The following PKD1 variants were observed in gnomAD, a reference collection of about 807,000 sequenced individuals.
The protein encoded by PKD1 is polycystin 1, transient receptor potential channel interacting.
In PKD1, 81 loss-of-function variants were observed where a neutral mutation model predicts 361.7. That is an observed-to-expected ratio of 0.22 (90% CI 0.19 to 0.27). The LOEUF (loss-of-function observed/expected upper bound fraction) is 0.27. PKD1 is among the 10% of genes least tolerant of loss of function. PKD1 has a pLI of 1.00. For missense variants in PKD1, 6,399 were observed against 6,118.3 expected, an observed-to-expected ratio of 1.05 and a Z score of -1.53; for synonymous variants, 3,615 against 2,818.3, an observed-to-expected ratio of 1.28 and a Z score of -8.95.
At chr16:2,095,405 T>C (rs1383868113) in intron 34 of PKD1, 1 of 151,992 alleles carries the variant, frequency 6.6e-6, no homozygotes, top group Non-Finnish European at 1.5e-5. Flanking sequence ...AGAGACTCCA[T>C]CTCAAAAAAA....
At position 2,109,300 on chromosome 16, in the gene PKD1, A is replaced by C; in HGVS notation, c.5867T>G (p.Val1956Gly). The change falls in exon 15 of 46, where the codon GTG (valine) becomes GGG (glycine). Residue 1956 changes from valine (V) to glycine (G), a missense_variant. Physicochemically the swap from Val to Gly is moderately radical, Grantham distance 109 (BLOSUM62 -3). Transcript: ENST00000262304. ...GCGCACCTGCGCCTGGGCCCAGCTC[A>C]CGTGGTTTTTGCCCCGCACGCTCAC... ...HVVSVRGKNH[V>G]SWAQAQVRIV... The C allele has an allele frequency of 6.3e-7, 1 of 1,585,142 alleles. No homozygotes were observed. The highest frequency in any genetic ancestry group is 8.6e-7 in the Non-Finnish European group (1 of 1,168,204).
chr16:2,111,471 G>T lies in PKD1; in HGVS notation c.3696C>A (p.Ser1232Arg). ...TGTTGTCGCCCGTCTGCACCGCGGC[G>T]CTGACCACCACGGGGGCGCCCTGCT... is the stretch of plus-strand genomic sequence containing the variant. ...AVEQGAPVVV[S>R]AAVQTGDNIT... The change falls in exon 15 of 46, where the codon AGC becomes AGA. Residue 1232 changes from serine (S) to arginine (R), a missense_variant. Ser to Arg is a moderately radical substitution (Grantham distance 110, BLOSUM62 -1). Transcript: ENST00000262304. The T allele has an allele frequency of 6.2e-7, 1 of 1,611,570 alleles. No individual in the cohort carries two copies. Among genetic ancestry groups the T allele is most frequent in the Non-Finnish European group, 8.5e-7 (1 of 1,179,454 alleles).
In PKD1 at chr16:2,102,898, T is replaced by G; in HGVS notation, c.8864A>C (p.His2955Pro). The G allele has an allele frequency of 6.2e-7, 1 of 1,610,060 alleles. No individual in the cohort carries two copies. Among genetic ancestry groups the G allele is most frequent in the Non-Finnish European group, 8.5e-7 (1 of 1,179,750 alleles). ...YLHSEPRPNE[H>P]NCSASRRIRP... ...GATCCTCCTGCTAGCCGAGCAGTTG[T>G]GCTCATTGGGCCGGGGCTCCGAGTG... Residue 2955 changes from histidine (H) to proline (P), a missense_variant, in exon 24 of 46, where the codon CAC becomes CCC. Transcript: ENST00000262304.
chr16:2,100,163 T>C lies in PKD1; in HGVS notation c.9712+3A>G, dbSNP rs1350375404. 1 of 1,606,400 alleles carries C rather than the reference T, an allele frequency of 6.2e-7. No individual in the cohort carries two copies. Among genetic ancestry groups the C allele is most frequent in the Non-Finnish European group, 8.5e-7 (1 of 1,176,098 alleles). On this transcript the variant is annotated splice_donor_region_variant and intron_variant, in intron 28 of 45. Coordinates refer to ENST00000262304, the MANE Select transcript of PKD1 (RefSeq NM_001009944.3). The surrounding 1 kb of genome is among the most constrained non-coding windows in gnomAD (Gnocchi z 4.4). The stretch of plus-strand genomic sequence containing the variant: ...GGAGTGGGAACATGGAACGAGGCCT[T>C]ACTCGCGGCCAGCACCTCCTTCTCC...
chr16:2,116,698 C>T (rs1001623733), intron 7 of PKD1, 54 bp from the exon 8 acceptor site: 55 of 1,226,770 alleles, frequency 4.5e-5, no homozygotes, highest in African/African-American at 2.4e-4. Context: ...GACACCAGGA[C>T]GAACAGACTG....
At position 2,088,750 on chromosome 16, in the gene PKD1, C is replaced by CG. The variant is rs202247051; in HGVS notation, c.*976dup. 8 of 1,219,090 alleles carry CG rather than the reference C, an allele frequency of 6.6e-6. No individual in the cohort carries two copies. The Admixed American group carries it at 1.4e-4, about 21-fold the overall frequency. 75.5% of individuals were successfully genotyped at this position (1,219,090 alleles called of 1,614,324 possible). On this transcript the variant is annotated 3_prime_UTR_variant, in exon 46 of 46. Transcript: ENST00000262304. ...TTTTATTGACTTTGTCTGCTTGGTG[C>CG]GGGGGTTGGGGGGGTGTCGAGGCTC... is the stretch of plus-strand genomic sequence containing the variant.
chr16:2,101,363 C>T (rs1242359265), intron 26 of PKD1, among the ~76,000 whole-genome samples: 1 of 152,092 alleles, frequency 6.6e-6, no homozygotes, highest in Non-Finnish European at 1.5e-5. Flanking sequence ...AAAATGGGAA[C>T]ACAGCCAGGT....
At chr16:2,107,279 G>A (rs954541163) in intron 16 of PKD1, 19 of 413,522 alleles carry the variant, frequency 4.6e-5, no homozygotes, top group Admixed American at 1.1e-4. Context: ...GACCGCAGCT[G>A]CCACGTAGGC....
In PKD1 at chr16:2,114,259, G is replaced by C. The variant is rs1290050535; in HGVS notation, c.2764C>G (p.Leu922Val). 6.2e-7 allele frequency: 1 copy of C among 1,610,362 alleles called. No homozygotes were observed. Among genetic ancestry groups the C allele is most frequent in the South Asian group, 1.1e-5 (1 of 90,984 alleles). ...VVENSASRAN[L>V]SLRVTAEEPI... Reference sequence around the variant, plus strand: ...TCCTCCGCCGTCACCCGCAGGCTGAGGTTGGCCCGGCTGGCGCTGTTTTCC... The same window carrying C: ...TCCTCCGCCGTCACCCGCAGGCTGACGTTGGCCCGGCTGGCGCTGTTTTCC... The change falls in exon 11 of 46, where the codon CTC (leucine) becomes GTC (valine). Residue 922 changes from leucine (L) to valine (V), a missense_variant. Physicochemically the swap from Leu to Val is conservative, Grantham distance 32 (BLOSUM62 1). Coordinates refer to ENST00000262304, the MANE Select transcript of PKD1 (RefSeq NM_001009944.3).
In PKD1 at chr16:2,108,559, C is replaced by T. The variant is rs765511448; in HGVS notation, c.6608G>A (p.Arg2203His). 21 of 1,586,896 alleles carry T rather than the reference C, an allele frequency of 1.3e-5. No individual in the cohort carries two copies. Among genetic ancestry groups the T allele is most frequent in the East Asian group, 9.1e-5 (4 of 43,828 alleles). Residue 2203 changes from arginine to histidine, a missense_variant, in exon 15 of 46, where the codon CGT becomes CAT. Arg to His is a conservative substitution (Grantham distance 29, BLOSUM62 0). Coordinates refer to ENST00000262304, the MANE Select transcript of PKD1 (RefSeq NM_001009944.3). ...ASCQRPGRPARVALPGVDVSR... is the reference protein window; with the variant it reads ...ASCQRPGRPAHVALPGVDVSR... ...CACGTCCACGCCGGGCAGGGCCACA[C>T]GCGCTGGGCGCCCCGGCCGCTGGCA...
intron 1 of PKD1, among the ~76,000 whole-genome samples, chr16:2,126,822 G>A (rs1384523547): frequency 1.3e-5 from 2 of 152,266 alleles, no homozygotes; most frequent in Admixed American, 6.5e-5. Flanking sequence ...CCACGAGCAG[G>A]GGGAGAGGCA....
intron 7 of PKD1, 30 bp from the exon 8 acceptor site, chr16:2,116,674 G>A (rs768577519): frequency 3.2e-5 from 42 of 1,327,952 alleles, no homozygotes; most frequent in South Asian, 1.3e-4. Flanking sequence ...GTGAGGCGCC[G>A]GGCCAGGGCC....
chr16:2,124,002 T>C (rs994134975), intron 1 of PKD1, among the ~76,000 whole-genome samples: 28 of 152,182 alleles, frequency 1.8e-4, no homozygotes, highest in Admixed American at 1.6e-3. Flanking sequence ...GTTAGGACCA[T>C]CCTAGCGTGG....
At position 2,109,644 on chromosome 16, in the gene PKD1, C is replaced by A. The variant is rs766252073; in HGVS notation, c.5523G>T (p.Val1841=). The A allele has an allele frequency of 3.2e-5, 51 of 1,594,598 alleles. No individual in the cohort carries two copies. Among genetic ancestry groups the A allele is most frequent in the Non-Finnish European group, 4.4e-5 (51 of 1,171,440 alleles). Reference sequence around the variant, plus strand: ...GGCCACGCTTGCTGCTGCCGCCGGGCACAGCCCAGCACCAGCTCACATTGG... The same window carrying A: ...GGCCACGCTTGCTGCTGCCGCCGGGAACAGCCCAGCACCAGCTCACATTGG... ...TGTNVSWCWA[V]PGGSSKRGPH... Residue 1841 remains valine (V), a synonymous_variant, in exon 15 of 46, where the codon GTG becomes GTT. Coordinates refer to ENST00000262304, the MANE Select transcript of PKD1 (RefSeq NM_001009944.3).
At position 2,088,744 on chromosome 16, in the gene PKD1, T is replaced by A. The variant is rs979264685; in HGVS notation, c.*983A>T. The A allele has an allele frequency of 3.0e-5, 39 of 1,281,012 alleles. No individual in the cohort carries two copies. Among genetic ancestry groups the A allele is most frequent in the Non-Finnish European group, 3.9e-5 (36 of 934,966 alleles). 79.4% of individuals were successfully genotyped at this position (1,281,012 alleles called of 1,614,324 possible). On this transcript the variant is annotated 3_prime_UTR_variant, in exon 46 of 46. Coordinates refer to ENST00000262304, the MANE Select transcript of PKD1 (RefSeq NM_001009944.3). ...CAGCTCTTTTATTGACTTTGTCTGCTTGGTGCGGGGGTTGGGGGGGTGTCG... is the reference window on the plus strand; with the variant it reads ...CAGCTCTTTTATTGACTTTGTCTGCATGGTGCGGGGGTTGGGGGGGTGTCG...
In PKD1 at chr16:2,119,309, C is replaced by A. The variant is rs1305213807; in HGVS notation, c.285G>T (p.Glu95Asp). Residue 95 changes from glutamate to aspartate, a missense_variant and splice_region_variant, in exon 2 of 46, where the codon GAG becomes GAT. By Grantham distance (45) the Glu-to-Asp change is conservative. Coordinates refer to ENST00000262304, the MANE Select transcript of PKD1 (RefSeq NM_001009944.3). Reference protein sequence around the residue: ...GLLANLSALAELDISNNKIST... With the variant: ...GLLANLSALADLDISNNKIST... ...TGGCACGACTGGGGGACACTCACAG[C>A]TCTGCCAGCGCCGAGAGGTTCGCCA... 2 of 1,230,704 alleles carry A rather than the reference C, an allele frequency of 1.6e-6. No homozygotes were observed. The allele number at this position is 1,230,704 out of a possible 1,614,324, so 76.2% of individuals were successfully genotyped here. A position where few individuals can be genotyped will look rare whatever the true frequency, so the allele number is the denominator to read the frequency against.
At chr16:2,094,287 G>T in intron 34 of PKD1, 77 bp from the exon 35 acceptor site, 4 of 939,202 alleles carry the variant, frequency 4.3e-6, no homozygotes, top group Non-Finnish European at 5.2e-6. Context: ...TAACCTGGGC[G>T]GGCAGTTTCT....
rs776530070 is a variant in PKD1 at position 2,090,202 on chromosome 16, C to A, written c.12445-8G>T. On this transcript the variant is annotated splice_polypyrimidine_tract_variant and splice_region_variant and intron_variant, in intron 45 of 45. Transcript: ENST00000262304. ...GCGGACTTTGTGGCGGAACTGGGGG[C>A]GGCACAGGGGCTCAGTCAGTCCGGC... The A allele has an allele frequency of 6.2e-7, 1 of 1,605,848 alleles. No individual in the cohort carries two copies. Among genetic ancestry groups the A allele is most frequent in the East Asian group, 2.2e-5 (1 of 44,760 alleles).
At position 2,114,804 on chromosome 16, in the gene PKD1, G is replaced by A. The variant is rs754437492; in HGVS notation, c.2219C>T (p.Ala740Val). ...CGAGGCGTTGGCGGAGAGGTACGGG[G>A]CCCGGGGACCAGGGTGGCCGGGAGC... ...SPAPGHPGPRAPYLSANASSW... is the reference protein window; with the variant it reads ...SPAPGHPGPRVPYLSANASSW... The change falls in exon 11 of 46, where the codon GCC becomes GTC. Residue 740 changes from alanine to valine, a missense_variant. By Grantham distance (64) the Ala-to-Val change is moderately conservative. Coordinates refer to ENST00000262304, the MANE Select transcript of PKD1 (RefSeq NM_001009944.3). 21 of 1,002,240 alleles carry A rather than the reference G, an allele frequency of 2.1e-5. No individual in the cohort carries two copies. In the South Asian group the frequency reaches 2.4e-4, roughly 12 times the overall value. The allele number at this position is 1,002,240 out of a possible 1,614,324, so 62.1% of individuals were successfully genotyped here.
Sources: gnomAD v4.1 joint callset for allele counts (sites outside exome capture counted in the v4.1 genomes callset) on GRCh38, gnomAD v4.1.1 for gene constraint, Gnocchi (gnomAD v3.1) non-coding constraint, MANE v1.5 for transcripts, NCBI Gene and HGNC (gene_info 2026-07-23, HGNC 2026-07-21) for gene names.